Variants in RANBP2 observed in about 807,000 individuals in gnomAD.
The protein encoded by RANBP2 is E3 SUMO-protein ligase RanBP2.
Under a neutral mutation model 303.6 loss-of-function variants are expected in RANBP2, and 57 were observed. The ratio of observed to expected loss-of-function variants is 0.19; its 90% CI spans 0.15 to 0.23. RANBP2 has a LOEUF of 0.23. RANBP2 is among the 10% of genes least tolerant of loss of function. The pLI is 1.00. For missense variants in RANBP2, 3,138 were observed against 3,780.8 expected, an observed-to-expected ratio of 0.83 and a Z score of 4.46; for synonymous variants, 1,167 against 1,301.5, an observed-to-expected ratio of 0.90 and a Z score of 2.23.
At chr2:109,158,792 C>T in the RANBP2 span, among the ~76,000 whole-genome samples, 9 of 152,304 alleles carry the variant, frequency 5.9e-5, no homozygotes, top group South Asian at 2.1e-4. Context: ...GGCTGATTCC[C>T]GAGTGTGCAC....
chr2:109,100,095 T>G, the RANBP2 span, among the ~76,000 whole-genome samples: 30,140 of 152,214 alleles, frequency 0.2, 3,748 homozygotes, highest in Middle Eastern at 0.35. Flanking sequence ...GAGGGGAGAT[T>G]AATAGATAAT....
At chr2:109,109,331 T>G in the RANBP2 span, among the ~76,000 whole-genome samples, 1 of 152,248 alleles carries the variant, frequency 6.6e-6, no homozygotes, top group African/African-American at 2.4e-5. Context: ...CCTTTGTCAC[T>G]TTGCAATCCA....
the RANBP2 span, among the ~76,000 whole-genome samples, chr2:109,602,403 C>T: frequency 2.0e-5 from 3 of 152,106 alleles, no homozygotes; most frequent in African/African-American, 7.2e-5. Flanking sequence ...AAGCCGGGCA[C>T]GGTGGCTCAC....
chr2:108,912,819 C>T, the RANBP2 span: 59 of 1,428,890 alleles, frequency 4.1e-5, no homozygotes, highest in Non-Finnish European at 5.0e-5. Context: ...CCTTCAAAGA[C>T]GCTGCCACAG....
chr2:109,227,281 A>C, the RANBP2 span, among the ~76,000 whole-genome samples: 60 of 152,222 alleles, frequency 3.9e-4, no homozygotes, highest in African/African-American at 1.4e-3. Flanking sequence ...TAGCTAGAAG[A>C]AGCTCTGTGA....
downstream of RANBP2, among the ~76,000 whole-genome samples, chr2:108,787,362 C>T (rs1465439885): frequency 2.6e-5 from 4 of 152,210 alleles, no homozygotes; most frequent in East Asian, 7.7e-4. Context: ...TTCGTTCTCT[C>T]CCCTTCCCTC....
At chr2:109,119,685 A>T in the RANBP2 span, among the ~76,000 whole-genome samples, 1 of 152,238 alleles carries the variant, frequency 6.6e-6, no homozygotes, top group African/African-American at 2.4e-5. Flanking sequence ...ATTAAAATAA[A>T]GTATATTATG....
At chr2:109,773,151 T>G in the RANBP2 span, among the ~76,000 whole-genome samples, 2 of 152,116 alleles carry the variant, frequency 1.3e-5, no homozygotes, top group South Asian at 4.1e-4. Context: ...GCCTTGAGAT[T>G]GGACAAGATT....
At chr2:109,105,156 A>T in the RANBP2 span, among the ~76,000 whole-genome samples, 1 of 152,234 alleles carries the variant, frequency 6.6e-6, no homozygotes, top group African/African-American at 2.4e-5. Context: ...AAACACCTGA[A>T]GCTGTGATCA....
At chr2:109,249,481 C>CTTTA in the RANBP2 span, among the ~76,000 whole-genome samples, 1 of 19,446 alleles carries the variant, frequency 5.1e-5, no homozygotes, top group African/African-American at 4.6e-4. Context: ...TTCTTTCTTT[C>CTTTA]TTTCTTTCTT....
chr2:109,557,787 A>G, the RANBP2 span, among the ~76,000 whole-genome samples: 52,925 of 152,062 alleles, frequency 0.35, 11,169 homozygotes, highest in Middle Eastern at 0.55. Flanking sequence ...AAATAAAAAT[A>G]AAAACATTTT....
At chr2:108,917,214 C>G in the RANBP2 span, among the ~76,000 whole-genome samples, 1 of 152,120 alleles carries the variant, frequency 6.6e-6, no homozygotes, top group Non-Finnish European at 1.5e-5. Flanking sequence ...ATAAAAGCAA[C>G]GCGCGGCTCG....
the RANBP2 span, among the ~76,000 whole-genome samples, chr2:109,552,318 C>G: frequency 6.6e-6 from 1 of 152,172 alleles, no homozygotes; most frequent in African/African-American, 2.4e-5. Context: ...GAAAGTAAAG[C>G]TACTTCACAG....
At chr2:108,879,987 T>G in the RANBP2 span, among the ~76,000 whole-genome samples, 2 of 152,142 alleles carry the variant, frequency 1.3e-5, no homozygotes, top group South Asian at 2.1e-4. Context: ...ACTAAAAATG[T>G]TAAGAGAACA....
At chr2:109,157,234 G>A in the RANBP2 span, among the ~76,000 whole-genome samples, 36 of 152,248 alleles carry the variant, frequency 2.4e-4, no homozygotes, top group Non-Finnish European at 4.7e-4. Context: ...CAGCTCTGCT[G>A]GTAGGTCTAG....
At chr2:109,511,462 C>A in the RANBP2 span, among the ~76,000 whole-genome samples, 1 of 152,222 alleles carries the variant, frequency 6.6e-6, no homozygotes, top group Non-Finnish European at 1.5e-5. Flanking sequence ...TACAGGCTGG[C>A]AATTGGTGGC....
chr2:109,214,003 AGG>A, the RANBP2 span, among the ~76,000 whole-genome samples: 1 of 152,134 alleles, frequency 6.6e-6, no homozygotes, highest in Non-Finnish European at 1.5e-5. Context: ...CGTGGCGGGC[AGG>A]GGAGGGAGGA....
the RANBP2 span, among the ~76,000 whole-genome samples, chr2:109,248,027 G>A: frequency 6.6e-6 from 1 of 152,182 alleles, no homozygotes; most frequent in Non-Finnish European, 1.5e-5. Flanking sequence ...GCCAAATCTA[G>A]AGGCAACCTT....
the RANBP2 span, among the ~76,000 whole-genome samples, chr2:109,270,725 G>A: frequency 6.6e-6 from 1 of 152,210 alleles, no homozygotes; most frequent in Admixed American, 6.5e-5. Flanking sequence ...GACCGTTCCT[G>A]GACTGTTACT....
Sources: gnomAD v4.1 joint callset for allele counts (sites outside exome capture counted in the v4.1 genomes callset) on GRCh38, gnomAD v4.1.1 for gene constraint, MANE v1.5 for transcripts, NCBI Gene and HGNC (gene_info 2026-07-23, HGNC 2026-07-21) for gene names.